The following CEP63 variants were observed in gnomAD, a reference collection of about 807,000 sequenced individuals.
The protein encoded by CEP63 is centrosomal protein 63, also known as centrosomal protein of 63 kDa.
In CEP63, 84 loss-of-function variants were observed where a neutral mutation model predicts 89.1. The ratio of observed to expected loss-of-function variants is 0.94; its 90% confidence interval spans 0.79 to 1.13. The LOEUF is 1.13. Among genes scored for constraint, CEP63 ranks in the 50% most tolerant of loss-of-function variants. The pLI, the probability that CEP63 is intolerant of heterozygous loss-of-function variation, is 0.00. For synonymous variants in CEP63, 267 were observed against 272.5 expected, an observed-to-expected ratio of 0.98 and a Z score of 0.20; for missense variants, 838 against 813.3, an observed-to-expected ratio of 1.03 and a Z score of -0.37.
chr3:134,673,376 C>T, the CEP63 span, among the ~76,000 whole-genome samples: 3 of 152,146 alleles, frequency 2.0e-5, no homozygotes, highest in African/African-American at 7.2e-5. Flanking sequence ...GAAGTCCCAC[C>T]CTCCTCCCTG....
chr3:134,546,275 G>T lies in CEP63; in HGVS notation c.916G>T (p.Val306Leu). ...KVKATNTQHA[V>L]EAIRPREESL... ...AAAGGCAACTAACACTCAACATGCTGTAGAAGCTATAAGGTAAATTTAATC... is the reference window on the plus strand; with the variant it reads ...AAAGGCAACTAACACTCAACATGCTTTAGAAGCTATAAGGTAAATTTAATC... The change falls in exon 8 of 15, where the codon GTA becomes TTA. Residue 306 changes from valine to leucine, a missense_variant. Val to Leu is a conservative substitution (Grantham distance 32). Coordinates refer to ENST00000675561, the MANE Select transcript of CEP63 (RefSeq NM_001353108.3). 6.2e-7 allele frequency: 1 copy of T among 1,613,416 alleles called. No individual in the cohort carries two copies. The highest frequency in any genetic ancestry group is 8.5e-7 in the Non-Finnish European group (1 of 1,179,470).
the CEP63 span, among the ~76,000 whole-genome samples, chr3:134,706,119 G>C: frequency 6.6e-6 from 1 of 152,116 alleles, no homozygotes; most frequent in Non-Finnish European, 1.5e-5. Flanking sequence ...GAACTAAGTG[G>C]TAGAAATTTT....
intron 5 of CEP63, among the ~76,000 whole-genome samples, chr3:134,533,970 T>A (rs1950302779): frequency 6.6e-6 from 1 of 152,120 alleles, no homozygotes; most frequent in Admixed American, 6.5e-5. Context: ...CGGCAATACC[T>A]TTTCCCCCCA....
intron 11 of CEP63, among the ~76,000 whole-genome samples, chr3:134,572,846 T>C (rs976849816): frequency 1.3e-5 from 2 of 152,222 alleles, no homozygotes; most frequent in African/African-American, 4.8e-5. Context: ...TTTTCCACAG[T>C]GGCTGTACTA....
the CEP63 span, among the ~76,000 whole-genome samples, chr3:134,767,371 A>G: frequency 2.6e-5 from 4 of 152,162 alleles, no homozygotes; most frequent in Non-Finnish European, 4.4e-5. Context: ...ATTGGTTAAT[A>G]TTATAGACAT....
At chr3:134,703,655 A>G in the CEP63 span, among the ~76,000 whole-genome samples, 1 of 152,142 alleles carries the variant, frequency 6.6e-6, no homozygotes, top group African/African-American at 2.4e-5. Flanking sequence ...GAGGGAGAAG[A>G]TCAAGAAGAA....
At chr3:134,596,608 G>A in the CEP63 span, among the ~76,000 whole-genome samples, 1 of 152,194 alleles carries the variant, frequency 6.6e-6, no homozygotes, top group African/African-American at 2.4e-5. Context: ...TCAGTGGATG[G>A]TTATGGACTG....
At chr3:134,498,499 C>A (rs1940894857) in intron 2 of CEP63, among the ~76,000 whole-genome samples, 1 of 152,126 alleles carries the variant, frequency 6.6e-6, no homozygotes, top group Admixed American at 6.6e-5. Flanking sequence ...ATGTTGTACA[C>A]AAAGAGCAAC....
chr3:134,690,861 G>C, the CEP63 span, among the ~76,000 whole-genome samples: 1 of 150,568 alleles, frequency 6.6e-6, no homozygotes, highest in South Asian at 2.1e-4. Context: ...CGATTCTCCT[G>C]CCTCAGCCTC....
chr3:134,585,817 G>T (rs1358299838), intron 10 of CEP63, among the ~76,000 whole-genome samples: 9 of 152,244 alleles, frequency 5.9e-5, no homozygotes, highest in African/African-American at 2.2e-4. Flanking sequence ...TTATTATTGT[G>T]TGGGAGTCTA....
At chr3:134,489,082 AC>A (rs1936734419) in intron 1 of CEP63, among the ~76,000 whole-genome samples, 1 of 148,120 alleles carries the variant, frequency 6.8e-6, no homozygotes, top group Admixed American at 6.9e-5. Context: ...AATCGCTTGA[AC>A]CCGGGAGGTG....
the CEP63 span, among the ~76,000 whole-genome samples, chr3:134,738,281 CA>C: frequency 8.4e-6 from 1 of 119,604 alleles, no homozygotes; most frequent in South Asian, 2.5e-4. Context: ...CACACACACA[CA>C]CACACACCAC....
the CEP63 span, chr3:134,603,461 G>T: frequency 4.5e-6 from 4 of 880,670 alleles, no homozygotes; most frequent in Non-Finnish European, 5.2e-6. Flanking sequence ...TGAGGCAGAG[G>T]CCTAGAAGGG....
chr3:134,668,461 C>T, the CEP63 span, among the ~76,000 whole-genome samples: 1 of 152,170 alleles, frequency 6.6e-6, no homozygotes, highest in South Asian at 2.1e-4. Flanking sequence ...GTGTGAGCTG[C>T]TCAGGAGGGG....
chr3:134,653,948 A>G, the CEP63 span, among the ~76,000 whole-genome samples: 18 of 152,212 alleles, frequency 1.2e-4, no homozygotes, highest in Non-Finnish European at 2.4e-4. Context: ...TCCGACCTAA[A>G]TAATTAATCT....
At chr3:134,757,601 T>C in the CEP63 span, among the ~76,000 whole-genome samples, 1 of 151,896 alleles carries the variant, frequency 6.6e-6, no homozygotes, top group Non-Finnish European at 1.5e-5. Context: ...ACAGAAAAAA[T>C]GTACAAAGTT....
chr3:134,628,470 A>G, the CEP63 span, among the ~76,000 whole-genome samples: 2 of 152,210 alleles, frequency 1.3e-5, no homozygotes, highest in Admixed American at 6.5e-5. Context: ...ATGCCAAGGC[A>G]GGTAGTTTTA....
chr3:134,577,431 C>CCT (rs774150066), downstream of CEP63, among the ~76,000 whole-genome samples: 51 of 86,330 alleles, frequency 5.9e-4, no homozygotes, highest in Non-Finnish European at 8.8e-4. Flanking sequence ...TTCTAATCCA[C>CCT]TTTTTTTTTT....
the CEP63 span, among the ~76,000 whole-genome samples, chr3:134,771,062 G>T: frequency 6.6e-6 from 1 of 152,272 alleles, no homozygotes; most frequent in East Asian, 1.9e-4. Flanking sequence ...AGTCAAGGAG[G>T]GTAATTGACA....
Sources: gnomAD v4.1 joint callset for allele counts (sites outside exome capture counted in the v4.1 genomes callset) on GRCh38, gnomAD v4.1.1 for gene constraint, MANE v1.5 for transcripts, NCBI Gene and HGNC (gene_info 2026-07-23, HGNC 2026-07-21) for gene names.